Variants in DYNC2I1 observed in about 807,000 individuals in gnomAD.
DYNC2I1 encodes the protein cytoplasmic dynein 2 intermediate chain 1.
In DYNC2I1, 89 loss-of-function variants were observed where a neutral mutation model predicts 133.4. The ratio of observed to expected loss-of-function variants is 0.67; its 90% CI spans 0.56 to 0.80. The LOEUF is 0.80. Ranked by LOEUF, DYNC2I1 falls within the 30% of genes least tolerant of loss-of-function variation. The pLI is 0.00. For synonymous variants in DYNC2I1, 504 were observed against 484.3 expected (o/e 1.04, Z -0.54); for missense variants, 1,291 against 1,314.5 (o/e 0.98, Z 0.28).
Position 158,856,643 on chromosome 7 carries a change from C to T in DYNC2I1, c.-93C>T, listed in dbSNP as rs113559273. 4.5e-3 allele frequency: 5,387 copies of T among 1,205,286 alleles called. 178 individuals carry two copies. The African/African-American group carries it at 0.073, about 16-fold the overall frequency. The allele number at this position is 1,205,286 out of a possible 1,614,324, so 74.7% of individuals were successfully genotyped here. On this transcript the variant is annotated 5_prime_UTR_variant, in exon 1 of 25. Coordinates refer to ENST00000407559, the MANE Select transcript of DYNC2I1 (RefSeq NM_018051.5). ...GGTTGCTAGGCGCTGGGACGCGCCT[C>T]CCGAAGGGTGCGGGGCACAGGTGGC...
the DYNC2I1 span, among the ~76,000 whole-genome samples, chr7:158,846,863 A>G: frequency 1.3e-5 from 2 of 152,218 alleles, no homozygotes; most frequent in Non-Finnish European, 2.9e-5. Context: ...AATCTAAGGT[A>G]AAGGAGAGAA....
At chr7:158,878,111 T>TG (rs527455243) in intron 4 of DYNC2I1, among the ~76,000 whole-genome samples, 178 of 127,924 alleles carry the variant, frequency 1.4e-3, no homozygotes, top group African/African-American at 5.2e-3. Context: ...GGGCATCATG[T>TG]GGGGAGGCGA....
intron 14 of DYNC2I1, among the ~76,000 whole-genome samples, chr7:158,915,934 GGAT>G (rs1848181762): frequency 1.3e-5 from 2 of 148,626 alleles, no homozygotes; most frequent in African/African-American, 2.5e-5. Flanking sequence ...TTGACATTAA[GGAT>G]GATTGTGAAA....
intron 8 of DYNC2I1, among the ~76,000 whole-genome samples, chr7:158,895,334 G>T (rs1298546095): frequency 1.3e-5 from 2 of 152,202 alleles, no homozygotes; most frequent in Non-Finnish European, 2.9e-5. Context: ...GGGGTGTAAG[G>T]TCTGTCTAGA....
At position 158,945,681 on chromosome 7, in the gene DYNC2I1, C is replaced by G; in HGVS notation, c.3103C>G (p.Leu1035Val). 1 of 1,612,820 alleles carries G rather than the reference C, an allele frequency of 6.2e-7. No individual in the cohort carries two copies. Among genetic ancestry groups the G allele is most frequent in the Non-Finnish European group, 8.5e-7 (1 of 1,179,494 alleles). Reference protein sequence around the residue: ...RASGSIDIQHLKRRWAAPEVD... With the variant: ...RASGSIDIQHVKRRWAAPEVD... ...GTCTGGCTCCATCGACATCCAGCAC[C>G]TGAAGAGGCGGTGGGCGGCCCCGGA... The change falls in exon 25 of 25, where the codon CTG becomes GTG. Residue 1035 changes from leucine to valine, a missense_variant. Physicochemically the swap from Leu to Val is conservative, Grantham distance 32 (BLOSUM62 1). Transcript: ENST00000407559. The surrounding 1 kb of genome is among the most constrained non-coding windows in gnomAD (Gnocchi z 4.1).
chr7:158,840,173 C>T, the DYNC2I1 span, among the ~76,000 whole-genome samples: 50 of 151,462 alleles, frequency 3.3e-4, no homozygotes, highest in Non-Finnish European at 6.3e-4. Context: ...TTTGGCCAGG[C>T]GCAGTCCCAG....
chr7:158,902,595 G>C lies in DYNC2I1; in HGVS notation c.1357G>C (p.Asp453His). 6.2e-7 allele frequency: 1 copy of C among 1,612,978 alleles called. No individual in the cohort carries two copies. Among genetic ancestry groups the C allele is most frequent in the Non-Finnish European group, 8.5e-7 (1 of 1,179,636 alleles). Residue 453 changes from aspartate to histidine, a missense_variant and splice_region_variant, in exon 10 of 25, where the codon GAT becomes CAT. By Grantham distance (81) the Asp-to-His change is moderately conservative (BLOSUM62 -1). Transcript: ENST00000407559. ...RTEFEKEPRT[D>H]TNSSPSRASV... is the part of the protein sequence containing the mutation. The stretch of plus-strand genomic sequence containing the variant: ...AGAATTTGAAAAGGAGCCCAGGACA[G>C]GTAAACAAATCAATGCTACTAATGG...
At chr7:158,930,738 G>A (rs986669378) in intron 21 of DYNC2I1, among the ~76,000 whole-genome samples, 2 of 152,032 alleles carry the variant, frequency 1.3e-5, no homozygotes, top group African/African-American at 4.8e-5. Context: ...GTGCAATCTT[G>A]GCTTGCTGCA....
chr7:158,908,529 A>C (rs1847069288), intron 11 of DYNC2I1, among the ~76,000 whole-genome samples: 1 of 152,276 alleles, frequency 6.6e-6, no homozygotes, highest in Non-Finnish European at 1.5e-5. Flanking sequence ...TTTATAATTT[A>C]ATAAGCAAAG....
chr7:158,847,604 A>G, the DYNC2I1 span, among the ~76,000 whole-genome samples: 6 of 152,194 alleles, frequency 3.9e-5, no homozygotes, highest in Non-Finnish European at 8.8e-5. Flanking sequence ...AGCTCACTGA[A>G]TGCATAAGGG....
intron 10 of DYNC2I1, chr7:158,905,186 G>C (rs1444694776): frequency 2.6e-6 from 1 of 382,814 alleles, no homozygotes; most frequent in Admixed American, 3.4e-5. Context: ...TGTCTCCCGT[G>C]CTGGAGTACA....
chr7:158,893,369 G>A (rs1698868223), intron 8 of DYNC2I1, among the ~76,000 whole-genome samples: 1 of 152,188 alleles, frequency 6.6e-6, no homozygotes, highest in African/African-American at 2.4e-5. Flanking sequence ...CCCATAGTGA[G>A]TTGAAAGTAT....
intron 1 of DYNC2I1, among the ~76,000 whole-genome samples, chr7:158,867,165 A>G (rs745436441): frequency 6.6e-6 from 1 of 151,990 alleles, no homozygotes; most frequent in African/African-American, 2.4e-5. Flanking sequence ...AGCTGAGGTT[A>G]GGTTTATCAT....
At chr7:158,926,721 G>C (rs891782698) in intron 19 of DYNC2I1, among the ~76,000 whole-genome samples, 22 of 152,252 alleles carry the variant, frequency 1.4e-4, no homozygotes, top group African/African-American at 5.3e-4. Flanking sequence ...GGAACAAAAT[G>C]TTAGGGCTGA....
Position 158,922,387 on chromosome 7 carries a change from ATCC to A in DYNC2I1, c.1937_1939del (p.Ser646del), listed in dbSNP as rs774798770. ...TTTTCTTCTCCCTAGATCGAAAAGTATCCTCCTTGCACACCTCCCGAGTTCAGA... is the reference window on the plus strand; with the variant it reads ...TTTTCTTCTCCCTAGATCGAAAAGTATCCTTGCACACCTCCCGAGTTCAGA... On this transcript the variant is annotated inframe_deletion, in exon 16 of 25. Coordinates refer to ENST00000407559, the MANE Select transcript of DYNC2I1 (RefSeq NM_018051.5). 5 of 1,613,296 alleles carry A rather than the reference ATCC, an allele frequency of 3.1e-6. No homozygotes were observed. Among genetic ancestry groups the A allele is most frequent in the African/African-American group, 2.7e-5 (2 of 74,884 alleles).
At chr7:158,941,731 A>G (rs935316759) in intron 23 of DYNC2I1, among the ~76,000 whole-genome samples, 194 bp from the exon 24 acceptor site, 8 of 152,186 alleles carry the variant, frequency 5.3e-5, no homozygotes, top group South Asian at 2.1e-4. Context: ...ACGATATAAA[A>G]GGTGGGTGTA....
intron 12 of DYNC2I1, among the ~76,000 whole-genome samples, chr7:158,912,460 A>T (rs972831930): frequency 6.6e-6 from 1 of 152,114 alleles, no homozygotes; most frequent in Admixed American, 6.6e-5. Flanking sequence ...TTAAATTTTT[A>T]AATTTTTTTT....
the DYNC2I1 span, among the ~76,000 whole-genome samples, chr7:158,847,152 T>C: frequency 6.6e-6 from 1 of 152,218 alleles, no homozygotes; most frequent in Non-Finnish European, 1.5e-5. Context: ...GTAAATTTAA[T>C]CTCAAAATTC....
intron 4 of DYNC2I1, among the ~76,000 whole-genome samples, chr7:158,954,063 G>A (rs977804052): frequency 6.6e-6 from 1 of 152,104 alleles, no homozygotes; most frequent in Non-Finnish European, 1.5e-5. Flanking sequence ...TGCTGTTCTC[G>A]AGATAGTGAG....
Sources: allele counts gnomAD v4.1 joint callset (sites outside exome capture counted in the v4.1 genomes callset), GRCh38; gene constraint gnomAD v4.1.1; non-coding constraint Gnocchi (gnomAD v3.1); transcripts MANE v1.5; gene names NCBI Gene and HGNC (gene_info 2026-07-23, HGNC 2026-07-21).